Variants in DYM observed in about 807,000 individuals in gnomAD.
The protein encoded by DYM is dymeclin.
Under a neutral mutation model 93.1 loss-of-function variants are expected in DYM, and 78 were observed. The observed-to-expected ratio is 0.84, with a 90% CI of 0.70 to 1.01. The LOEUF (loss-of-function observed/expected upper bound fraction) is 1.01, where lower values mean the gene tolerates loss of function less well. Among genes scored for constraint, DYM ranks in the 50% least tolerant of loss-of-function variants. The pLI is 0.00. For synonymous variants in DYM, 321 were observed against 319.7 expected, an observed-to-expected ratio of 1.00 and a Z score of -0.04; for missense variants, 789 against 845.0, an observed-to-expected ratio of 0.93 and a Z score of 0.82.
At chr18:49,354,191 T>C (rs73445737) in intron 6 of DYM, among the ~76,000 whole-genome samples, 2 of 152,004 alleles carry the variant, frequency 1.3e-5, no homozygotes, top group African/African-American at 4.8e-5. Flanking sequence ...TTCAACCAGA[T>C]GCTGAAACAA....
intron 6 of DYM, among the ~76,000 whole-genome samples, chr18:49,348,586 T>C (rs1308979492): frequency 2.0e-5 from 3 of 151,566 alleles, no homozygotes; most frequent in Admixed American, 6.6e-5. Flanking sequence ...CAAATTAAAA[T>C]ATCCATTACT....
intron 14 of DYM, among the ~76,000 whole-genome samples, chr18:49,198,277 C>T (rs553405363): frequency 2.5e-4 from 38 of 152,162 alleles, no homozygotes; most frequent in African/African-American, 8.9e-4. Flanking sequence ...CCATAAAAAC[C>T]CTAGAAGAAA....
intron 2 of DYM, among the ~76,000 whole-genome samples, chr18:49,411,288 T>A (rs1452496852): frequency 6.6e-6 from 1 of 152,158 alleles, no homozygotes. Context: ...GTGTCACACA[T>A]AAATTATTAT....
chr18:49,291,999 A>T (rs906949208), intron 8 of DYM, among the ~76,000 whole-genome samples: 2 of 152,150 alleles, frequency 1.3e-5, no homozygotes, highest in African/African-American at 4.8e-5. Flanking sequence ...CAGGATTCAG[A>T]GCAATGAGAA....
In DYM at chr18:49,286,632, C is replaced by T. The variant is rs1245613046; in HGVS notation, c.764-16G>A. 1.9e-6 allele frequency: 3 copies of T among 1,612,414 alleles called. No homozygotes were observed. Among genetic ancestry groups the T allele is most frequent in the African/African-American group, 2.7e-5 (2 of 74,864 alleles). The stretch of plus-strand genomic sequence containing the variant: ...CAGAGTCCTGCTGGGGAGGAAAACA[C>T]CCTGTTAGGATGTGCTGCCACCAAT... On this transcript the variant is annotated splice_polypyrimidine_tract_variant and intron_variant, in intron 8 of 17. Transcript: ENST00000675505.
chr18:49,168,223 CTCTA>C (rs1418511339), intron 14 of DYM, among the ~76,000 whole-genome samples: 4 of 151,218 alleles, frequency 2.6e-5, no homozygotes, highest in Non-Finnish European at 5.9e-5. Flanking sequence ...CTCCCTCTCT[CTCTA>C]TATATATATA....
intron 8 of DYM, among the ~76,000 whole-genome samples, chr18:49,308,280 A>C (rs2061385376): frequency 8.7e-6 from 1 of 115,446 alleles, no homozygotes; most frequent in African/African-American, 3.0e-5. Context: ...TTTCATACAC[A>C]CTTGTGTGTG....
chr18:49,302,495 AT>A (rs1276647598), intron 8 of DYM, among the ~76,000 whole-genome samples: 10 of 152,250 alleles, frequency 6.6e-5, no homozygotes, highest in Non-Finnish European at 1.5e-5. Context: ...GCATTATATA[AT>A]TTCTAAATCA....
intron 1 of DYM, among the ~76,000 whole-genome samples, chr18:49,444,527 T>A (rs773940478): frequency 5.9e-5 from 9 of 152,206 alleles, no homozygotes; most frequent in Non-Finnish European, 1.2e-4. Context: ...TCAAGATGCT[T>A]CATGTACTTC....
chr18:49,087,347 C>A (rs1022946524), intron 17 of DYM, among the ~76,000 whole-genome samples: 3 of 152,154 alleles, frequency 2.0e-5, no homozygotes, highest in African/African-American at 7.2e-5. Context: ...ATAATAAAGA[C>A]TAAATTTTTC....
chr18:49,317,538 T>C (rs1753217513), intron 8 of DYM, among the ~76,000 whole-genome samples: 1 of 148,678 alleles, frequency 6.7e-6, no homozygotes, highest in Non-Finnish European at 1.5e-5. Context: ...CCCTAGTCCT[T>C]AGCCATCTAG....
At chr18:49,286,648 T>C in intron 8 of DYM, 32 bp from the exon 9 acceptor site, 1 of 1,598,638 alleles carries the variant, frequency 6.3e-7, no homozygotes, top group South Asian at 1.1e-5. Context: ...TAGGATGTGC[T>C]GCCACCAATG....
chr18:49,259,729 C>T (rs770569977), intron 11 of DYM, among the ~76,000 whole-genome samples: 17 of 152,064 alleles, frequency 1.1e-4, no homozygotes, highest in Non-Finnish European at 1.6e-4. Context: ...TGAAATTATA[C>T]GGAAGATTTG....
chr18:49,085,843 G>A (rs1247156490), intron 17 of DYM, among the ~76,000 whole-genome samples: 2 of 152,106 alleles, frequency 1.3e-5, no homozygotes, highest in Non-Finnish European at 2.9e-5. Context: ...TCTGACTGGT[G>A]ATCCACCCGC....
intron 17 of DYM, among the ~76,000 whole-genome samples, chr18:49,087,713 G>A (rs972522117): frequency 6.6e-6 from 1 of 152,150 alleles, no homozygotes; most frequent in Non-Finnish European, 1.5e-5. Flanking sequence ...CACAATGGTT[G>A]AACTAGTTTA....
At chr18:49,395,963 G>T (rs545210981) in intron 2 of DYM, among the ~76,000 whole-genome samples, 1 of 152,292 alleles carries the variant, frequency 6.6e-6, no homozygotes, top group East Asian at 1.9e-4. Context: ...CCCTCCCTCA[G>T]AAGTGGGTAA....
chr18:49,157,783 T>C (rs2086628132), intron 15 of DYM, among the ~76,000 whole-genome samples: 1 of 152,248 alleles, frequency 6.6e-6, no homozygotes, highest in African/African-American at 2.4e-5. Flanking sequence ...CTAATTTATC[T>C]ATTTTTCTTT....
intron 13 of DYM, among the ~76,000 whole-genome samples, chr18:49,217,423 G>A (rs1053785340): frequency 2.6e-5 from 4 of 151,942 alleles, no homozygotes; most frequent in East Asian, 3.9e-4. Flanking sequence ...GATACTCCTC[G>A]AGAAGAGCAA....
chr18:49,174,031 T>C (rs73958756), intron 14 of DYM, among the ~76,000 whole-genome samples: 211 of 152,286 alleles, frequency 1.4e-3, no homozygotes, highest in African/African-American at 4.9e-3. Flanking sequence ...CTATTCCTTG[T>C]TATGTGAAAG....
Sources: allele counts gnomAD v4.1 joint callset (sites outside exome capture counted in the v4.1 genomes callset), GRCh38; gene constraint gnomAD v4.1.1; transcripts MANE v1.5; gene names NCBI Gene and HGNC (gene_info 2026-07-23, HGNC 2026-07-21).